Variants in RP1 observed in about 807,000 individuals in gnomAD.
The protein encoded by RP1 is oxygen-regulated protein 1.
In RP1, 16 loss-of-function variants were observed where a neutral mutation model predicts 14.8. That is an observed-to-expected ratio of 1.08 (90% CI 0.73 to 1.65). The LOEUF (loss-of-function observed/expected upper bound fraction) is 1.65, where lower values mean the gene tolerates loss of function less well. Ranked by LOEUF, RP1 falls within the 40% of genes most tolerant of loss-of-function variation. RP1 has a pLI of 0.00. For synonymous variants in RP1, 876 were observed against 883.6 expected (o/e 0.99, Z 0.15); for missense variants, 2,631 against 2,535.0 (o/e 1.04, Z -0.81).
chr8:54,820,385 C>T (rs1311610595), intron 24 of RP1, among the ~76,000 whole-genome samples: 2 of 152,142 alleles, frequency 1.3e-5, no homozygotes, highest in African/African-American at 4.8e-5. Context: ...TGTGGCCTGA[C>T]TGCCTTTCAA....
chr8:54,595,132 ATTT>A (rs1290366781), intron 1 of RP1, among the ~76,000 whole-genome samples: 1 of 141,498 alleles, frequency 7.1e-6, no homozygotes. Context: ...TCCTCCAAAC[ATTT>A]TTTTTTTTTT....
chr8:54,662,539 A>G (rs1199305495), intron 6 of RP1, among the ~76,000 whole-genome samples: 1 of 152,178 alleles, frequency 6.6e-6, no homozygotes, highest in Non-Finnish European at 1.5e-5. Context: ...CCTAGGCACA[A>G]GGATGTAAGA....
intron 1 of RP1, among the ~76,000 whole-genome samples, chr8:54,610,459 G>A (rs899355491): frequency 1.1e-4 from 17 of 152,054 alleles, no homozygotes; most frequent in East Asian, 3.9e-4. Flanking sequence ...AGTGCATCAC[G>A]TTTATACCTT....
intron 17 of RP1, among the ~76,000 whole-genome samples, chr8:54,730,390 T>A (rs528231637): frequency 5.9e-5 from 9 of 152,216 alleles, no homozygotes; most frequent in African/African-American, 1.9e-4. Flanking sequence ...TTATATATGG[T>A]TTTAGACTCT....
intron 1 of RP1, among the ~76,000 whole-genome samples, chr8:54,601,148 T>C (rs1399315332): frequency 4.6e-5 from 7 of 152,188 alleles, no homozygotes; most frequent in Non-Finnish European, 2.9e-5. Flanking sequence ...TACAAGTAAC[T>C]TGCATAAAGA....
In RP1 at chr8:54,828,882, CTTTTTTTTTTT is replaced by C. The variant is rs201534661; in HGVS notation, c.3616-8551_3616-8541del. On this transcript the variant is annotated intron_variant, in intron 24 of 28. Coordinates refer to the RP1 transcript ENST00000637698. The stretch of plus-strand genomic sequence containing the variant: ...TTCTTTCTTCTTTCTTCTTCTTCTT[CTTTTTTTTTTT>C]TTTTTTTTTTTTTTTTGAGATGGAG... Among the ~76,000 whole-genome samples the C allele has an allele frequency of 9.9e-4, 83 of 83,926 alleles. 1 individual carries two copies. Among genetic ancestry groups the C allele is most frequent in the African/African-American group, 2.0e-3 (42 of 20,772 alleles). The allele number at this position is 83,926 out of a possible 152,430, so 55.1% of individuals were successfully genotyped here. A position where few individuals can be genotyped will look rare whatever the true frequency, so the allele number is the denominator to read the frequency against.
chr8:54,808,909 C>G (rs1266357825), intron 24 of RP1, among the ~76,000 whole-genome samples: 1 of 152,144 alleles, frequency 6.6e-6, no homozygotes, highest in Non-Finnish European at 1.5e-5. Flanking sequence ...TGTTAAGTTC[C>G]TTATGTTTAA....
At chr8:54,858,657 G>A (rs1812263199) in intron 27 of RP1, among the ~76,000 whole-genome samples, 1 of 151,854 alleles carries the variant, frequency 6.6e-6, no homozygotes, top group African/African-American at 2.4e-5. Flanking sequence ...TCTGTAAGGT[G>A]GTGTCACTGT....
intron 24 of RP1, among the ~76,000 whole-genome samples, chr8:54,822,453 T>C (rs1765057001): frequency 6.6e-6 from 1 of 152,236 alleles, no homozygotes; most frequent in Admixed American, 6.5e-5. Context: ...ATTAACAATT[T>C]AGTTTAAATG....
chr8:54,676,738 C>T (rs185227521), intron 8 of RP1, among the ~76,000 whole-genome samples: 252 of 152,198 alleles, frequency 1.7e-3, no homozygotes, highest in African/African-American at 5.9e-3. Flanking sequence ...TATATTTTTA[C>T]GTTAATAATT....
chr8:54,673,722 A>G, intron 7 of RP1: 1 of 749,146 alleles, frequency 1.3e-6, no homozygotes, highest in East Asian at 2.9e-5. Context: ...CCTGGGTGAC[A>G]GAGGGAGAGC....
At chr8:54,675,216 G>T (rs930856966) in intron 8 of RP1, among the ~76,000 whole-genome samples, 24 of 152,046 alleles carry the variant, frequency 1.6e-4, no homozygotes, top group African/African-American at 5.8e-4. Flanking sequence ...AATAATCTTA[G>T]TTTTAACCTT....
At chr8:54,713,647 A>C (rs952610789) in intron 15 of RP1, among the ~76,000 whole-genome samples, 2 of 152,224 alleles carry the variant, frequency 1.3e-5, no homozygotes, top group Non-Finnish European at 2.9e-5. Context: ...AGAAGTTGAA[A>C]TATAAAAACA....
chr8:54,630,527 T>C lies in RP1; in HGVS notation c.*174T>C. The C allele has an allele frequency of 7.1e-7, 1 of 1,416,674 alleles. No individual in the cohort carries two copies. The highest frequency in any genetic ancestry group is 9.2e-7 in the Non-Finnish European group (1 of 1,090,864). 87.8% of individuals were successfully genotyped at this position (1,416,674 alleles called of 1,614,324 possible). ...TTGACTTTCATAATGTCTCTGTTTT[T>C]TGTTTTTCCAACAATTACAGACTCA... On this transcript the variant is annotated 3_prime_UTR_variant, in exon 4 of 4. Coordinates refer to ENST00000220676, the MANE Select transcript of RP1 (RefSeq NM_006269.2).
At chr8:54,780,604 C>CT (rs1197667463) in intron 23 of RP1, among the ~76,000 whole-genome samples, 1 of 152,116 alleles carries the variant, frequency 6.6e-6, no homozygotes, top group African/African-American at 2.4e-5. Flanking sequence ...CACGTACAGA[C>CT]TTTTTTCTTG....
intron 12 of RP1, chr8:54,679,943 T>A (rs1348824138): frequency 6.5e-7 from 1 of 1,535,604 alleles, no homozygotes; most frequent in Non-Finnish European, 8.7e-7. Context: ...GGTAAAACTA[T>A]CGTACAAAGC....
chr8:54,581,404 C>A (rs1344565455), intron 1 of RP1, among the ~76,000 whole-genome samples: 8 of 151,908 alleles, frequency 5.3e-5, no homozygotes, highest in East Asian at 1.9e-4. Context: ...CCAGTCTATC[C>A]TTGTTGGACA....
intron 7 of RP1, among the ~76,000 whole-genome samples, chr8:54,673,514 C>A (rs887207830): frequency 6.6e-6 from 1 of 151,950 alleles, no homozygotes; most frequent in East Asian, 1.9e-4. Flanking sequence ...TTGAGGCGGG[C>A]GGATTGCTTG....
rs750754409 is a variant in RP1, at chr8:54,621,353, C to G, written c.387C>G (p.Ser129Arg). 1 of 1,611,678 alleles carries G rather than the reference C, an allele frequency of 6.2e-7. No homozygotes were observed. Among genetic ancestry groups the G allele is most frequent in the Admixed American group, 1.7e-5 (1 of 59,972 alleles). Residue 129 changes from serine to arginine, a missense_variant, in exon 2 of 4, where the codon AGC becomes AGG. Physicochemically the swap from Ser to Arg is moderately radical, Grantham distance 110. Transcript: ENST00000220676. ...KARRRPRPWL[S>R]SRAISAHSPP... ...GTCGGCGCCCGCGGCCCTGGCTCAG[C>G]AGCCGGGCCATTAGCGCGCACTCAC...
Sources: allele counts gnomAD v4.1 joint callset (sites outside exome capture counted in the v4.1 genomes callset), GRCh38; gene constraint gnomAD v4.1.1; transcripts MANE v1.5; gene names NCBI Gene and HGNC (gene_info 2026-07-23, HGNC 2026-07-21).